Variants in SLC24A3 observed in about 807,000 individuals in gnomAD.
SLC24A3 encodes sodium/potassium/calcium exchanger 3.
SLC24A3 carries 28 observed loss-of-function variants against 75.8 expected under a neutral mutation model. The ratio of observed to expected loss-of-function variants is 0.37; its 90% confidence interval spans 0.27 to 0.51. The LOEUF (loss-of-function observed/expected upper bound fraction) is 0.51, where lower values mean the gene tolerates loss of function less well. Among genes scored for constraint, SLC24A3 ranks in the 20% least tolerant of loss-of-function variants. SLC24A3 has a pLI of 0.94. For missense variants in SLC24A3, 663 were observed against 847.8 expected (o/e 0.78, Z 2.71); for synonymous variants, 372 against 334.1 (o/e 1.11, Z -1.24).
chr20:19,677,371 A>C (rs1030601450), intron 9 of SLC24A3, among the ~76,000 whole-genome samples: 1 of 152,094 alleles, frequency 6.6e-6, no homozygotes, highest in Non-Finnish European at 1.5e-5. Context: ...AAGATGACAG[A>C]AACACTGCCT....
intron 6 of SLC24A3, among the ~76,000 whole-genome samples, chr20:19,623,903 G>A (rs951845436): frequency 3.3e-5 from 5 of 152,148 alleles, no homozygotes; most frequent in Non-Finnish European, 5.9e-5. Flanking sequence ...AACACTTGGT[G>A]GCCAGCCACA....
chr20:19,351,285 A>C (rs1568597143), intron 2 of SLC24A3, among the ~76,000 whole-genome samples: 1 of 152,174 alleles, frequency 6.6e-6, no homozygotes, highest in Non-Finnish European at 1.5e-5. Context: ...CCACTCCTAA[A>C]TACTTTTGCA....
At chr20:19,449,137 C>A (rs1333563363) in intron 2 of SLC24A3, among the ~76,000 whole-genome samples, 1 of 152,160 alleles carries the variant, frequency 6.6e-6, no homozygotes, top group African/African-American at 2.4e-5. Flanking sequence ...GACTCCATGG[C>A]GGTAGAACTG....
At chr20:19,332,787 T>TC (rs1295863345) in intron 2 of SLC24A3, among the ~76,000 whole-genome samples, 2 of 152,190 alleles carry the variant, frequency 1.3e-5, no homozygotes, top group African/African-American at 4.8e-5. Flanking sequence ...CATGGGATAC[T>TC]CTGAGGACAC....
At chr20:19,333,003 G>T (rs149429709) in intron 2 of SLC24A3, among the ~76,000 whole-genome samples, 25 of 152,314 alleles carry the variant, frequency 1.6e-4, no homozygotes, top group South Asian at 4.1e-4. Flanking sequence ...AAGGGGCTGT[G>T]TCTGGGTTCT....
intron 6 of SLC24A3, among the ~76,000 whole-genome samples, chr20:19,628,502 A>T (rs1206839082): frequency 6.6e-6 from 1 of 152,212 alleles, no homozygotes; most frequent in African/African-American, 2.4e-5. Context: ...CTTACCTACT[A>T]TATCCCATCC....
intron 1 of SLC24A3, among the ~76,000 whole-genome samples, chr20:19,224,499 G>A (rs571128857): frequency 1.3e-5 from 2 of 152,110 alleles, no homozygotes; most frequent in South Asian, 2.1e-4. Context: ...CCTGAACTAC[G>A]TGCTGGATAA....
chr20:19,236,022 T>C (rs547739751), intron 1 of SLC24A3, among the ~76,000 whole-genome samples: 1 of 152,372 alleles, frequency 6.6e-6, no homozygotes, highest in East Asian at 1.9e-4. Context: ...TTTCAAGGCC[T>C]AATTTGACTC....
intron 2 of SLC24A3, among the ~76,000 whole-genome samples, chr20:19,503,594 G>T (rs944779397): frequency 2.6e-5 from 4 of 152,208 alleles, no homozygotes; most frequent in African/African-American, 9.6e-5. Flanking sequence ...AAGGAAAAAT[G>T]ATTTCCTGCA....
At position 19,267,100 on chromosome 20, in the gene SLC24A3, C is replaced by T. The variant is rs1028611349; in HGVS notation, c.143-13859C>T. ...ATAATTATATTTTAACAGAACAAAA[C>T]GTGGATTTTTCTAAACTATGATGAT... On this transcript the variant is annotated intron_variant, in intron 1 of 16. Coordinates refer to ENST00000328041, the MANE Select transcript of SLC24A3 (RefSeq NM_020689.4). 5.9e-5 allele frequency among the ~76,000 whole-genome samples: 9 copies of T among 152,012 alleles called. No homozygotes were observed. The South Asian group carries it at 6.2e-4, about 11-fold the overall frequency.
chr20:19,374,718 G>A (rs978617898), intron 2 of SLC24A3, among the ~76,000 whole-genome samples: 1 of 152,204 alleles, frequency 6.6e-6, no homozygotes, highest in Non-Finnish European at 1.5e-5. Flanking sequence ...CTGAATCACA[G>A]CTCTGATCAG....
chr20:19,346,708 C>T (rs545946017), intron 2 of SLC24A3, among the ~76,000 whole-genome samples: 2 of 151,842 alleles, frequency 1.3e-5, no homozygotes, highest in Non-Finnish European at 2.9e-5. Flanking sequence ...TGGGAGTTGT[C>T]GAGGGATAAA....
intron 12 of SLC24A3, among the ~76,000 whole-genome samples, chr20:19,691,017 C>T (rs568975291): frequency 6.6e-6 from 1 of 152,218 alleles, no homozygotes; most frequent in Admixed American, 6.5e-5. Context: ...ACTGAAAATG[C>T]AATATAAGCC....
chr20:19,604,990 C>A (rs961377445), intron 6 of SLC24A3, among the ~76,000 whole-genome samples: 3 of 152,206 alleles, frequency 2.0e-5, no homozygotes, highest in Non-Finnish European at 2.9e-5. Context: ...CAGGCTTTAG[C>A]ATTTGCCACC....
intron 2 of SLC24A3, among the ~76,000 whole-genome samples, chr20:19,344,724 G>C (rs1167522008): frequency 6.6e-6 from 1 of 152,188 alleles, no homozygotes; most frequent in East Asian, 1.9e-4. Context: ...GTTTGCTTCT[G>C]GAGAAATTAA....
intron 2 of SLC24A3, among the ~76,000 whole-genome samples, chr20:19,311,131 C>G (rs1375137890): frequency 6.6e-6 from 1 of 151,626 alleles, no homozygotes; most frequent in Non-Finnish European, 1.5e-5. Flanking sequence ...TGGAGAAGCA[C>G]AGTTTGGGGT....
chr20:19,560,323 A>G (rs1037390024), intron 3 of SLC24A3, among the ~76,000 whole-genome samples: 1 of 152,218 alleles, frequency 6.6e-6, no homozygotes, highest in Non-Finnish European at 1.5e-5. Context: ...CTGAGGCATC[A>G]ATTCCTACTC....
At chr20:19,401,582 G>A (rs1194944978) in intron 2 of SLC24A3, among the ~76,000 whole-genome samples, 1 of 152,190 alleles carries the variant, frequency 6.6e-6, no homozygotes, top group Non-Finnish European at 1.5e-5. Flanking sequence ...TTTCCCAATA[G>A]GGACTGATTA....
At position 19,670,504 on chromosome 20, in the gene SLC24A3, A is replaced by G. The variant is rs570120075; in HGVS notation, c.714-3097A>G. Among the ~76,000 whole-genome samples, 3 of 152,378 alleles carry G rather than the reference A, an allele frequency of 2.0e-5. 1 individual carries two copies. In the South Asian group the frequency reaches 6.2e-4, roughly 32 times the overall value. On this transcript the variant is annotated intron_variant, in intron 8 of 16. Transcript: ENST00000328041. Reference sequence around the variant, plus strand: ...GATGAGTAAAAAATTGAAAAGATCTAAAAGAATTAGAAAGAGCATACATAC... The same window carrying G: ...GATGAGTAAAAAATTGAAAAGATCTGAAAGAATTAGAAAGAGCATACATAC...
Sources: allele counts gnomAD v4.1 joint callset (sites outside exome capture counted in the v4.1 genomes callset), GRCh38; gene constraint gnomAD v4.1.1; transcripts MANE v1.5; gene names NCBI Gene and HGNC (gene_info 2026-07-23, HGNC 2026-07-21).